Variants in NEXN observed in about 807,000 individuals in gnomAD.
NEXN encodes the protein nexilin F-actin binding protein, also known as nexilin.
Under a neutral mutation model 92.6 loss-of-function variants are expected in NEXN, and 65 were observed. The observed-to-expected ratio is 0.70, with a 90% CI of 0.57 to 0.86. NEXN has a LOEUF of 0.86. Ranked by LOEUF, NEXN falls within the 40% of genes least tolerant of loss-of-function variation. NEXN has a pLI of 0.00. For synonymous variants in NEXN, 254 were observed against 242.5 expected, an observed-to-expected ratio of 1.05 and a Z score of -0.44; for missense variants, 778 against 771.1, an observed-to-expected ratio of 1.01 and a Z score of -0.11.
At chr1:77,913,364 G>A (rs1403851135) in intron 1 of NEXN, among the ~76,000 whole-genome samples, 8 of 150,934 alleles carry the variant, frequency 5.3e-5, no homozygotes, top group Non-Finnish European at 1.0e-4. Flanking sequence ...GCAGTGAGCC[G>A]AGATCATGCC....
rs1226862496 is a variant in NEXN at position 77,916,070 on chromosome 1, G to A, written c.-37G>A. On this transcript the variant is annotated 5_prime_UTR_variant, in exon 2 of 13. Coordinates refer to ENST00000334785, the MANE Select transcript of NEXN (RefSeq NM_144573.4). ...TTTTTTTCAGGTGCAAATATATACA[G>A]AGCTTCATAATCAGCCCAAGACCAC... 3 of 1,531,022 alleles carry A rather than the reference G, an allele frequency of 2.0e-6. No individual in the cohort carries two copies. The highest frequency in any genetic ancestry group is 1.8e-6 in the Non-Finnish European group (2 of 1,129,430). The allele number at this position is 1,531,022 out of a possible 1,614,324, so 94.8% of individuals were successfully genotyped here. A position where few individuals can be genotyped will look rare whatever the true frequency, so the allele number is the denominator to read the frequency against.
chr1:77,907,373 T>C (rs1313389355), intron 1 of NEXN, among the ~76,000 whole-genome samples: 1 of 152,224 alleles, frequency 6.6e-6, no homozygotes, highest in African/African-American at 2.4e-5. Flanking sequence ...AATTATGAAG[T>C]TTTTTCTCCA....
chr1:77,899,468 T>C (rs1647512508), intron 1 of NEXN, among the ~76,000 whole-genome samples: 1 of 151,754 alleles, frequency 6.6e-6, no homozygotes, highest in Non-Finnish European at 1.5e-5. Context: ...TGAGAACACA[T>C]GGACACAGAA....
chr1:77,901,611 G>A (rs1230885962), intron 1 of NEXN, among the ~76,000 whole-genome samples: 1 of 152,062 alleles, frequency 6.6e-6, no homozygotes, highest in Admixed American at 6.6e-5. Context: ...CAATGGAGCC[G>A]AATTGTTGTG....
intron 6 of NEXN, 121 bp downstream of exon 6, chr1:77,925,350 CAAA>C (rs1247222467): frequency 7.9e-6 from 6 of 759,926 alleles, no homozygotes; most frequent in Non-Finnish European, 1.3e-5. Flanking sequence ...GTAGAAATAA[CAAA>C]AAAGTATGTT....
intron 11 of NEXN, 118 bp downstream of exon 11, chr1:77,936,162 TAA>T: frequency 2.8e-6 from 2 of 726,608 alleles, no homozygotes; most frequent in Non-Finnish European, 4.6e-6. Context: ...GTATATACAG[TAA>T]TCTGGGAAGT....
chr1:77,941,994 A>G (rs2102176594), intron 11 of NEXN, 29 bp from the exon 12 acceptor site: 1 of 1,605,072 alleles, frequency 6.2e-7, no homozygotes. Context: ...AAGGCAAGCA[A>G]TTGTTAATCT....
chr1:77,915,380 A>G (rs966270814), intron 1 of NEXN, among the ~76,000 whole-genome samples: 2 of 152,248 alleles, frequency 1.3e-5, no homozygotes, highest in African/African-American at 4.8e-5. Context: ...CTGTAATCCC[A>G]GCACTTTGGG....
intron 1 of NEXN, among the ~76,000 whole-genome samples, chr1:77,904,661 A>T (rs1242040759): frequency 6.6e-6 from 1 of 152,196 alleles, no homozygotes; most frequent in Non-Finnish European, 1.5e-5. Context: ...TACAGAGGAA[A>T]ATCAGGGAGT....
rs1557997078 is a variant in NEXN at position 77,942,156 on chromosome 1, A to G, written c.1607A>G (p.Lys536Arg). The change falls in exon 12 of 13, where the codon AAG becomes AGG. Residue 536 changes from lysine (K) to arginine (R), a missense_variant. Around this residue, in one of 3 missense-constraint regions of NEXN, gnomAD observed 532 missense variants for 476.7 expected, o/e 1.12. Coordinates refer to ENST00000334785, the MANE Select transcript of NEXN (RefSeq NM_144573.4). ...EEEQRRIEEQKLLRMQFEQRE... is the reference protein window; with the variant it reads ...EEEQRRIEEQRLLRMQFEQRE... ...GAACAAAGAAGAATTGAAGAACAAA[A>G]GTTACTACGCATGCAGTTTGAACAA... The G allele has an allele frequency of 6.2e-7, 1 of 1,613,856 alleles. No individual in the cohort carries two copies. The highest frequency in any genetic ancestry group is 8.5e-7 in the Non-Finnish European group (1 of 1,179,766).
intron 5 of NEXN, among the ~76,000 whole-genome samples, chr1:77,922,719 T>A (rs1360180146): frequency 5.3e-5 from 8 of 151,620 alleles, no homozygotes; most frequent in African/African-American, 1.7e-4. Flanking sequence ...TGCCTCAGCC[T>A]CCCGTAGCTG....
At chr1:77,893,851 T>A (rs557947574) in intron 1 of NEXN, among the ~76,000 whole-genome samples, 2 of 151,822 alleles carry the variant, frequency 1.3e-5, no homozygotes, top group African/African-American at 4.8e-5. Context: ...TTTTTTTTTT[T>A]AGACAGAATT....
intron 11 of NEXN, among the ~76,000 whole-genome samples, chr1:77,937,141 AC>A (rs1650832343): frequency 6.6e-6 from 1 of 151,370 alleles, no homozygotes; most frequent in Non-Finnish European, 1.5e-5. Context: ...CCGTATCTGT[AC>A]AAAAAATACA....
intron 1 of NEXN, among the ~76,000 whole-genome samples, chr1:77,895,050 T>C (rs1432870331): frequency 5.6e-5 from 6 of 107,374 alleles, no homozygotes; most frequent in African/African-American, 1.8e-4. Context: ...TTTTTTTTTT[T>C]TTTTTTTTTT....
At chr1:77,919,007 C>G (rs913562010) in intron 5 of NEXN, among the ~76,000 whole-genome samples, 2 of 152,110 alleles carry the variant, frequency 1.3e-5, no homozygotes, top group African/African-American at 4.8e-5. Flanking sequence ...ATACACAAGA[C>G]TGGGAAAGAA....
Position 77,942,825 on chromosome 1 carries a change from A to T in NEXN, c.2024A>T (p.Asn675Ile), listed in dbSNP as rs1651502390. 2 of 1,605,336 alleles carry T rather than the reference A, an allele frequency of 1.2e-6. No homozygotes were observed. Among genetic ancestry groups the T allele is most frequent in the Non-Finnish European group, 1.7e-6 (2 of 1,173,354 alleles). ...STCILTIESK[N>I] ...TGTATTCTTACCATTGAAAGTAAGA[A>T]TTAATCACTCTTTTTATCTTTTATT... The change falls in exon 13 of 13, where the codon AAT becomes ATT. Residue 675 changes from asparagine to isoleucine, a missense_variant. Asn to Ile is a moderately radical substitution (Grantham distance 149). This residue lies in a region of NEXN where 532 missense variants were observed against 476.7 expected (regional missense o/e 1.12). Coordinates refer to ENST00000334785, the MANE Select transcript of NEXN (RefSeq NM_144573.4).
intron 1 of NEXN, among the ~76,000 whole-genome samples, chr1:77,915,522 G>A (rs1206187825): frequency 6.6e-6 from 1 of 152,262 alleles, no homozygotes; most frequent in East Asian, 1.9e-4. Flanking sequence ...CCAGCTACTC[G>A]GGAGGCTGAA....
rs1221963637 is a variant in NEXN, at chr1:77,942,464, AGAG to A, written c.1664_1666del (p.Arg555_Glu556delinsLys). 2 of 1,613,392 alleles carry A rather than the reference AGAG, an allele frequency of 1.2e-6. No individual in the cohort carries two copies. Among genetic ancestry groups the A allele is most frequent in the Non-Finnish European group, 1.7e-6 (2 of 1,179,634 alleles). ...GAATGCATTTATTTTAATACAGAAA[AGAG>A]AAGAGGAGGAGGAGGAAGAAGGTAG... On this transcript the variant is annotated inframe_deletion, in exon 13 of 13. Coordinates refer to ENST00000334785, the MANE Select transcript of NEXN (RefSeq NM_144573.4).
At chr1:77,941,885 C>CT in intron 11 of NEXN, 138 bp from the exon 12 acceptor site, 1 of 765,012 alleles carries the variant, frequency 1.3e-6, no homozygotes. Flanking sequence ...TAGAAAAAAT[C>CT]TGAGTGTCTG....
Sources: allele counts gnomAD v4.1 joint callset (sites outside exome capture counted in the v4.1 genomes callset), GRCh38; gene constraint gnomAD v4.1.1; regional missense constraint gnomAD v4.1.1; transcripts MANE v1.5; gene names NCBI Gene and HGNC (gene_info 2026-07-23, HGNC 2026-07-21).